The following KIF16B variants were observed in gnomAD, a reference collection of about 807,000 sequenced individuals.
KIF16B encodes kinesin family member 16B.
In KIF16B, 98 loss-of-function variants were observed where a neutral mutation model predicts 156.3. The ratio of observed to expected loss-of-function variants is 0.63; its 90% CI spans 0.53 to 0.74. The LOEUF is 0.74. KIF16B is among the 30% of genes least tolerant of loss of function. The pLI, the probability that KIF16B is intolerant of heterozygous loss-of-function variation, is 0.00. For missense variants in KIF16B, 1,421 were observed against 1,606.5 expected (o/e 0.88, Z 1.97); for synonymous variants, 564 against 583.7 (o/e 0.97, Z 0.49).
chr20:16,393,104 A>G (rs1600277250), intron 17 of KIF16B, among the ~76,000 whole-genome samples: 1 of 152,214 alleles, frequency 6.6e-6, no homozygotes, highest in African/African-American at 2.4e-5. Flanking sequence ...TGCAATCTCA[A>G]TTCTGTTTTT....
intron 25 of KIF16B, among the ~76,000 whole-genome samples, chr20:16,298,364 C>T (rs775938220): frequency 6.6e-5 from 10 of 152,172 alleles, no homozygotes; most frequent in African/African-American, 1.2e-4. Flanking sequence ...TCCTTGAAGA[C>T]GCAAGCTATA....
intron 24 of KIF16B, among the ~76,000 whole-genome samples, chr20:16,331,007 C>A (rs2063938767): frequency 6.6e-6 from 1 of 152,196 alleles, no homozygotes; most frequent in Non-Finnish European, 1.5e-5. Flanking sequence ...GCTTGGGGGG[C>A]TTCTCCAAGC....
rs1040898686 is a variant in KIF16B at position 16,369,461 on chromosome 20, A to C, written c.3498+1125T>G. ...TTCATACATAGAACATCAATTTTCCATATTATATATATATTATAAATCACT... is the reference window on the plus strand; with the variant it reads ...TTCATACATAGAACATCAATTTTCCCTATTATATATATATTATAAATCACT... On this transcript the variant is annotated intron_variant, in intron 22 of 25. Coordinates refer to ENST00000354981, the MANE Select transcript of KIF16B (RefSeq NM_024704.5). 1.2e-4 allele frequency among the ~76,000 whole-genome samples: 9 copies of C among 77,376 alleles called. No individual in the cohort carries two copies. The East Asian group carries it at 0.021, about 179-fold the overall frequency. The allele number at this position is 77,376 out of a possible 152,430, so 50.8% of individuals were successfully genotyped here. A position where few individuals can be genotyped will look rare whatever the true frequency, so the allele number is the denominator to read the frequency against.
chr20:16,506,595 A>G (rs561796062), intron 7 of KIF16B, among the ~76,000 whole-genome samples: 8 of 152,352 alleles, frequency 5.3e-5, no homozygotes, highest in Non-Finnish European at 1.5e-5. Flanking sequence ...TACGGAAAAG[A>G]GCATTCAACC....
At chr20:16,398,900 G>A (rs908578574) in intron 17 of KIF16B, among the ~76,000 whole-genome samples, 1 of 152,186 alleles carries the variant, frequency 6.6e-6, no homozygotes. Flanking sequence ...AGAGGAGGAG[G>A]CCAGGAGGCG....
At chr20:16,489,811 G>A (rs570598031) in intron 12 of KIF16B, among the ~76,000 whole-genome samples, 64 of 152,140 alleles carry the variant, frequency 4.2e-4, no homozygotes, top group African/African-American at 1.5e-3. Flanking sequence ...GAGGGCCTGC[G>A]TTTCTAACCA....
chr20:16,307,696 C>A (rs1373239194), intron 25 of KIF16B, among the ~76,000 whole-genome samples: 2 of 152,040 alleles, frequency 1.3e-5, no homozygotes, highest in African/African-American at 4.8e-5. Flanking sequence ...TTTTGTATGT[C>A]CTTTTTATTT....
chr20:16,395,103 A>G (rs887712306), intron 17 of KIF16B, among the ~76,000 whole-genome samples: 9 of 144,942 alleles, frequency 6.2e-5, no homozygotes, highest in African/African-American at 2.3e-4. Flanking sequence ...TACCCCTGTC[A>G]TCGGTGTCTT....
intron 12 of KIF16B, among the ~76,000 whole-genome samples, chr20:16,457,864 T>G (rs377146528): frequency 7.9e-5 from 12 of 151,354 alleles, no homozygotes; most frequent in African/African-American, 2.7e-4. Context: ...CACAGAAAGA[T>G]GGAGGCAAAA....
At chr20:16,489,279 T>G (rs548797892) in intron 12 of KIF16B, among the ~76,000 whole-genome samples, 1 of 152,174 alleles carries the variant, frequency 6.6e-6, no homozygotes, top group Non-Finnish European at 1.5e-5. Flanking sequence ...GGGCCTGGTT[T>G]CTCTCTCCAA....
intron 17 of KIF16B, among the ~76,000 whole-genome samples, chr20:16,402,385 T>C (rs2146246633): frequency 6.6e-6 from 1 of 152,354 alleles, no homozygotes; most frequent in South Asian, 2.1e-4. Flanking sequence ...CTGGCAATGG[T>C]GCCCCCGTCC....
intron 22 of KIF16B, among the ~76,000 whole-genome samples, chr20:16,358,315 T>C (rs1370003059): frequency 6.6e-6 from 1 of 152,224 alleles, no homozygotes; most frequent in Non-Finnish European, 1.5e-5. Context: ...GATACCTCCA[T>C]TTACATACTT....
intron 1 of KIF16B, among the ~76,000 whole-genome samples, chr20:16,541,107 C>T (rs564444910): frequency 3.9e-5 from 6 of 152,286 alleles, no homozygotes; most frequent in African/African-American, 1.2e-4. Context: ...GTCTCCTCCC[C>T]GAAACCATGT....
chr20:16,502,549 TACAGCA>T (rs1258134916), intron 10 of KIF16B, among the ~76,000 whole-genome samples: 1 of 152,004 alleles, frequency 6.6e-6, no homozygotes, highest in Non-Finnish European at 1.5e-5. Context: ...CCCCCAAAAT[TACAGCA>T]ACAAAAATAC....
rs1004005534 is a variant in KIF16B, at chr20:16,458,885, T to A, written c.1303-28903A>T. 3.9e-5 allele frequency among the ~76,000 whole-genome samples: 6 copies of A among 152,196 alleles called. No homozygotes were observed. In the East Asian group the frequency reaches 1.2e-3, roughly 29 times the overall value. On this transcript the variant is annotated intron_variant, in intron 12 of 25. Coordinates refer to ENST00000354981, the MANE Select transcript of KIF16B (RefSeq NM_024704.5). Reference sequence around the variant, plus strand: ...TTTGGACTCTTTGGAAGAAAGGGACTATATAAATGGAAGGTATCCGTTTTC... The same window carrying A: ...TTTGGACTCTTTGGAAGAAAGGGACAATATAAATGGAAGGTATCCGTTTTC...
chr20:16,518,033 C>T (rs141911704), intron 3 of KIF16B, among the ~76,000 whole-genome samples: 12 of 152,230 alleles, frequency 7.9e-5, no homozygotes, highest in Middle Eastern at 6.8e-3. Flanking sequence ...TTAACCCAGG[C>T]GGTTTTCCGG....
At chr20:16,504,047 T>G (rs997223802) in intron 10 of KIF16B, among the ~76,000 whole-genome samples, 5 of 152,248 alleles carry the variant, frequency 3.3e-5, no homozygotes, top group Non-Finnish European at 7.3e-5. Flanking sequence ...TTTTAAATAC[T>G]ATTCTAAGCA....
intron 17 of KIF16B, among the ~76,000 whole-genome samples, chr20:16,398,254 A>C (rs2065562359): frequency 1.3e-5 from 2 of 152,194 alleles, no homozygotes; most frequent in Admixed American, 6.5e-5. Flanking sequence ...GAAAGGTGTG[A>C]CCCATGTAAA....
chr20:16,477,869 G>GAATGAGTAGTCAAACTCAACACT, intron 12 of KIF16B, among the ~76,000 whole-genome samples: 1 of 152,162 alleles, frequency 6.6e-6, no homozygotes, highest in African/African-American at 2.4e-5. Flanking sequence ...AGGAAGCAGA[G>GAATGAGTAGTCAAACTCAACACT]CAGCAGAATG....
Sources: gnomAD v4.1 joint callset for allele counts (sites outside exome capture counted in the v4.1 genomes callset) on GRCh38, gnomAD v4.1.1 for gene constraint, MANE v1.5 for transcripts, NCBI Gene and HGNC (gene_info 2026-07-23, HGNC 2026-07-21) for gene names.